The following C12orf42 variants were observed in gnomAD, a reference collection of about 807,000 sequenced individuals.
The protein encoded by C12orf42 is chromosome 12 open reading frame 42, also known as uncharacterized protein C12orf42.
C12orf42 carries 25 observed loss-of-function variants against 21.6 expected under a neutral mutation model. That is an observed-to-expected ratio of 1.16 (90% CI 0.84 to 1.62). The LOEUF (loss-of-function observed/expected upper bound fraction) is 1.62. Among genes scored for constraint, C12orf42 ranks in the 40% most tolerant of loss-of-function variants. The probability of loss-of-function intolerance (pLI) is 0.00; values close to 1 mark genes in which losing one functional copy is unlikely to be tolerated. For synonymous variants in C12orf42, 174 were observed against 175.0 expected, an observed-to-expected ratio of 0.99 and a Z score of 0.05; for missense variants, 483 against 459.3, an observed-to-expected ratio of 1.05 and a Z score of -0.47.
At chr12:103,470,865 G>C (rs1953546770) in intron 2 of C12orf42, among the ~76,000 whole-genome samples, 2 of 152,220 alleles carry the variant, frequency 1.3e-5, no homozygotes, top group South Asian at 2.1e-4. Context: ...ACATGTGAGA[G>C]AAGAAGCTTC....
the C12orf42 span, among the ~76,000 whole-genome samples, chr12:103,102,087 G>T: frequency 1.3e-5 from 2 of 152,088 alleles, no homozygotes; most frequent in Non-Finnish European, 2.9e-5. Context: ...CAAGGGGTGG[G>T]AGAAGAGGAG....
the C12orf42 span, among the ~76,000 whole-genome samples, chr12:103,530,340 G>A: frequency 3.9e-5 from 6 of 152,212 alleles, no homozygotes; most frequent in East Asian, 1.9e-4. Context: ...AGGCGGTGGC[G>A]TGTGTTGGGG....
At chr12:103,417,993 A>G (rs2049516740) in intron 2 of C12orf42, among the ~76,000 whole-genome samples, 1 of 152,246 alleles carries the variant, frequency 6.6e-6, no homozygotes. Flanking sequence ...GTCTAATTCA[A>G]CTTTGTTCAT....
At chr12:103,273,795 A>G (rs2035602931) in intron 5 of C12orf42, 1 of 453,028 alleles carries the variant, frequency 2.2e-6, no homozygotes, top group African/African-American at 2.0e-5. Context: ...CTTTTACCTG[A>G]TGACTTCATG....
At chr12:103,136,231 A>G in the C12orf42 span, among the ~76,000 whole-genome samples, 1 of 152,240 alleles carries the variant, frequency 6.6e-6, no homozygotes, top group Non-Finnish European at 1.5e-5. Flanking sequence ...CAAAATCGGT[A>G]GCATTTCTAT....
At chr12:103,201,858 C>T in the C12orf42 span, among the ~76,000 whole-genome samples, 4 of 152,064 alleles carry the variant, frequency 2.6e-5, no homozygotes, top group African/African-American at 7.2e-5. Context: ...GAAAATCACT[C>T]GTTTGCTTTT....
At chr12:103,288,015 G>A (rs908036273) in intron 4 of C12orf42, among the ~76,000 whole-genome samples, 12 of 152,278 alleles carry the variant, frequency 7.9e-5, no homozygotes, top group South Asian at 6.2e-4. Context: ...ACCAAACAGC[G>A]AAAATAATTT....
chr12:103,213,404 C>G, the C12orf42 span, among the ~76,000 whole-genome samples: 11 of 152,172 alleles, frequency 7.2e-5, no homozygotes, highest in Admixed American at 1.3e-4. Flanking sequence ...CTTTATTGAA[C>G]AGAGATTAGG....
the C12orf42 span, among the ~76,000 whole-genome samples, chr12:103,186,730 C>G: frequency 6.6e-6 from 1 of 152,084 alleles, no homozygotes; most frequent in African/African-American, 2.4e-5. Context: ...GATGTAAGCT[C>G]TTGAGGTGAC....
At chr12:103,164,010 C>A in the C12orf42 span, among the ~76,000 whole-genome samples, 1 of 152,202 alleles carries the variant, frequency 6.6e-6, no homozygotes, top group Non-Finnish European at 1.5e-5. Flanking sequence ...AAAGCCCATG[C>A]ACCTTCCACC....
At chr12:103,268,866 G>A (rs930679014) in exon 7 of C12orf42, 2 of 152,136 alleles carry the variant, frequency 1.3e-5, no homozygotes, top group African/African-American at 4.8e-5. Flanking sequence ...ACTCTCTTTT[G>A]TGTGGAGACC....
chr12:103,232,886 C>T (rs1565984935), downstream of C12orf42, among the ~76,000 whole-genome samples: 3 of 151,884 alleles, frequency 2.0e-5, no homozygotes, highest in East Asian at 1.9e-4. Flanking sequence ...AATAATATTT[C>T]GAAGTTTTGA....
chr12:103,379,077 T>A (rs1023495457), intron 3 of C12orf42, among the ~76,000 whole-genome samples: 1 of 151,902 alleles, frequency 6.6e-6, no homozygotes, highest in African/African-American at 2.4e-5. Flanking sequence ...TATATAGATA[T>A]AAATATAGAC....
chr12:103,148,836 AATTAAGACTAGAGAAACTCT>A, the C12orf42 span, among the ~76,000 whole-genome samples: 4 of 152,184 alleles, frequency 2.6e-5, no homozygotes, highest in African/African-American at 9.7e-5. Flanking sequence ...AACCTGTTAA[AATTAAGACTAGAGAAACTCT>A]AGAACAAGCT....
the C12orf42 span, among the ~76,000 whole-genome samples, chr12:103,049,426 T>C: frequency 6.6e-6 from 1 of 152,172 alleles, no homozygotes; most frequent in Admixed American, 6.5e-5. Flanking sequence ...ACAGCCCTCC[T>C]AGTCCAAGCT....
intron 4 of C12orf42, among the ~76,000 whole-genome samples, chr12:103,282,174 T>C (rs1203188230): frequency 6.6e-6 from 1 of 152,184 alleles, no homozygotes; most frequent in African/African-American, 2.4e-5. Context: ...TCAAGTTAAA[T>C]TGGTGCCTGC....
chr12:103,498,647 A>G (rs1298203487), upstream of C12orf42, among the ~76,000 whole-genome samples: 1 of 152,190 alleles, frequency 6.6e-6, no homozygotes, highest in Non-Finnish European at 1.5e-5. Flanking sequence ...TAGACTGGAT[A>G]AAGAAAATGT....
chr12:103,395,210 A>G (rs2047415641), intron 3 of C12orf42, among the ~76,000 whole-genome samples: 1 of 152,200 alleles, frequency 6.6e-6, no homozygotes, highest in East Asian at 1.9e-4. Context: ...TTCTAATATG[A>G]TATCTTCCTC....
At chr12:103,252,035 G>C (rs1440181685) in intron 10 of C12orf42, among the ~76,000 whole-genome samples, 1 of 152,098 alleles carries the variant, frequency 6.6e-6, no homozygotes, top group Admixed American at 6.6e-5. Flanking sequence ...CATGTGCCAT[G>C]GTGGTTTGCT....
Sources: allele counts gnomAD v4.1 joint callset (sites outside exome capture counted in the v4.1 genomes callset), GRCh38; gene constraint gnomAD v4.1.1; transcripts MANE v1.5; gene names NCBI Gene and HGNC (gene_info 2026-07-23, HGNC 2026-07-21).